BCAS3: variants seen among roughly 807,000 people sequenced by gnomAD.
The protein encoded by BCAS3 is BCAS3 microtubule associated cell migration factor.
Under a neutral mutation model 116.1 loss-of-function variants are expected in BCAS3, and 53 were observed. The ratio of observed to expected loss-of-function variants is 0.46; its 90% CI spans 0.37 to 0.57. BCAS3 has a LOEUF of 0.57. Ranked by LOEUF, BCAS3 falls within the 20% of genes least tolerant of loss-of-function variation. BCAS3 has a pLI of 0.00. For synonymous variants in BCAS3, 391 were observed against 408.2 expected (o/e 0.96, Z 0.51); for missense variants, 917 against 1,165.4 (o/e 0.79, Z 3.10).
intron 22 of BCAS3, among the ~76,000 whole-genome samples, chr17:61,153,070 G>A (rs551130272): frequency 6.6e-6 from 1 of 152,196 alleles, no homozygotes; most frequent in Non-Finnish European, 1.5e-5. Flanking sequence ...GTCAGTAGAA[G>A]CTGGAACTCC....
intron 22 of BCAS3, among the ~76,000 whole-genome samples, chr17:61,297,460 C>T (rs1049159043): frequency 1.3e-5 from 2 of 152,104 alleles, no homozygotes; most frequent in African/African-American, 4.8e-5. Flanking sequence ...CAGAGATGGG[C>T]ACGTGAAAAC....
intron 7 of BCAS3, among the ~76,000 whole-genome samples, chr17:60,831,778 A>G (rs1203784223): frequency 6.6e-6 from 1 of 151,586 alleles, no homozygotes; most frequent in Non-Finnish European, 1.5e-5. Flanking sequence ...AATATGTGGT[A>G]TGTTTAAGTC....
chr17:60,863,664 G>T (rs1172160099), intron 7 of BCAS3, among the ~76,000 whole-genome samples: 2 of 152,022 alleles, frequency 1.3e-5, no homozygotes, highest in Non-Finnish European at 2.9e-5. Context: ...TGTGACTAGA[G>T]GATTGCTTGA....
At position 61,224,662 on chromosome 17, in the gene BCAS3, G is replaced by A. The variant is rs563784330; in HGVS notation, c.2425+140098G>A. On this transcript the variant is annotated intron_variant, in intron 22 of 23. Coordinates refer to ENST00000407086, the MANE Select transcript of BCAS3 (RefSeq NM_017679.5). The surrounding 1 kb of genome is among the most constrained non-coding windows in gnomAD (Gnocchi z 5.7). ...CACCACTTCTTACTTCTGCAACCTCGGGCACATTCCTCATCATCTCTCTAC... is the reference window on the plus strand; with the variant it reads ...CACCACTTCTTACTTCTGCAACCTCAGGCACATTCCTCATCATCTCTCTAC... Among the ~76,000 whole-genome samples, 3 of 152,276 alleles carry A rather than the reference G, an allele frequency of 2.0e-5. No homozygotes were observed. The highest frequency in any genetic ancestry group is 1.9e-4 in the East Asian group (1 of 5,186).
chr17:61,182,396 AAAAAACC>A (rs1409647212), intron 22 of BCAS3, among the ~76,000 whole-genome samples: 3 of 152,128 alleles, frequency 2.0e-5, no homozygotes, highest in Admixed American at 2.0e-4. Flanking sequence ...GAATAGCTTA[AAAAAACC>A]CCACTAGCCA....
At position 60,960,151 on chromosome 17, in the gene BCAS3, C is replaced by T. The variant is rs540843464; in HGVS notation, c.1221+12799C>T. On this transcript the variant is annotated intron_variant, in intron 14 of 23. Transcript: ENST00000407086. This position sits in a 1 kb window ranked among gnomAD's most constrained non-coding sequence, Gnocchi z 4.1. ...AATTCACTTCTCTGTATTCTATCCT[C>T]TGCCTCCCAGAATTCATGTTCATGC... 1.3e-5 allele frequency among the ~76,000 whole-genome samples: 2 copies of T among 152,204 alleles called. No homozygotes were observed. Among genetic ancestry groups the T allele is most frequent in the South Asian group, 4.1e-4 (2 of 4,830 alleles).
At chr17:61,066,581 A>G (rs2070644153) in intron 19 of BCAS3, among the ~76,000 whole-genome samples, 1 of 152,154 alleles carries the variant, frequency 6.6e-6, no homozygotes, top group African/African-American at 2.4e-5. Flanking sequence ...CAATATAATG[A>G]GAGTAATTAA....
chr17:60,793,123 A>G (rs1369028852), intron 6 of BCAS3, among the ~76,000 whole-genome samples: 1 of 151,720 alleles, frequency 6.6e-6, no homozygotes, highest in Non-Finnish European at 1.5e-5. Context: ...TTTTAGATGG[A>G]GTCTCACTCT....
rs374976012 is a variant in BCAS3, at chr17:61,310,553, C to CA, written c.2426-57758dup. ...TGGGCGACAGAGTGAGACTCTGTCT[C>CA]AAAAAAAAAAAAAAAAGAAAGAAAG... is the stretch of plus-strand genomic sequence containing the variant. On this transcript the variant is annotated intron_variant, in intron 22 of 23. Transcript: ENST00000407086. Among the ~76,000 whole-genome samples the CA allele has an allele frequency of 3.5e-3, 335 of 96,968 alleles. 1 individual carries two copies. The highest frequency in any genetic ancestry group is 8.0e-3 in the Admixed American group (73 of 9,080). The allele number at this position is 96,968 out of a possible 152,430, so 63.6% of individuals were successfully genotyped here. A position where few individuals can be genotyped will look rare whatever the true frequency, so the allele number is the denominator to read the frequency against.
chr17:61,362,567 A>T lies in BCAS3; in HGVS notation c.2426-5760A>T, dbSNP rs1286108990. Among the ~76,000 whole-genome samples, 3 of 152,178 alleles carry T rather than the reference A, an allele frequency of 2.0e-5. No individual in the cohort carries two copies. The highest frequency in any genetic ancestry group is 7.2e-5 in the African/African-American group (3 of 41,430). On this transcript the variant is annotated intron_variant, in intron 22 of 23. Coordinates refer to ENST00000407086, the MANE Select transcript of BCAS3 (RefSeq NM_017679.5). The surrounding 1 kb of genome is among the most constrained non-coding windows in gnomAD (Gnocchi z 4.4). ...TTGCCTCTTTAACAATGGTGTACAA[A>T]GGCAAAGCACGTGTTCCCCCAGCCT...
intron 3 of BCAS3, among the ~76,000 whole-genome samples, chr17:60,687,516 A>G (rs2034233210): frequency 6.6e-6 from 1 of 152,176 alleles, no homozygotes; most frequent in African/African-American, 2.4e-5. Context: ...ACATGGGTGG[A>G]CCGTTTGAGC....
intron 6 of BCAS3, among the ~76,000 whole-genome samples, chr17:60,767,671 G>A (rs538112105): frequency 2.4e-4 from 36 of 152,162 alleles, no homozygotes; most frequent in African/African-American, 7.7e-4. Context: ...ATTGGACTCT[G>A]TTGCTGGAAA....
chr17:61,114,517 G>A (rs2075299785), intron 22 of BCAS3, among the ~76,000 whole-genome samples: 1 of 150,920 alleles, frequency 6.6e-6, no homozygotes, highest in African/African-American at 2.4e-5. Context: ...AAATACCTAG[G>A]AATACAACTT....
intron 14 of BCAS3, among the ~76,000 whole-genome samples, chr17:60,981,267 T>C (rs1228568829): frequency 6.6e-6 from 1 of 151,942 alleles, no homozygotes; most frequent in African/African-American, 2.4e-5. Context: ...TTGTAGATGA[T>C]AGTGTTTTAA....
chr17:60,724,255 G>A (rs1021049019), intron 5 of BCAS3, among the ~76,000 whole-genome samples: 8 of 150,096 alleles, frequency 5.3e-5, no homozygotes, highest in South Asian at 2.1e-4. Flanking sequence ...GAAACAGTTC[G>A]CTACTGAAAA....
rs1432303983 is a variant in BCAS3, at chr17:61,347,876, G to T, written c.2426-20451G>T. Among the ~76,000 whole-genome samples the T allele has an allele frequency of 6.6e-6, 1 of 152,180 alleles. No individual in the cohort carries two copies. Among genetic ancestry groups the T allele is most frequent in the Admixed American group, 6.5e-5 (1 of 15,282 alleles). On this transcript the variant is annotated intron_variant, in intron 22 of 23. Coordinates refer to ENST00000407086, the MANE Select transcript of BCAS3 (RefSeq NM_017679.5). The surrounding 1 kb of genome is among the most constrained non-coding windows in gnomAD (Gnocchi z 4.3). ...GAGCAGCAGATGCACAGACACAGGGGCAAGGCGCAAGGTGGGGTGTAGCGT... is the reference window on the plus strand; with the variant it reads ...GAGCAGCAGATGCACAGACACAGGGTCAAGGCGCAAGGTGGGGTGTAGCGT...
At chr17:61,194,140 CAGGGAGGGGA>C (rs1396442846) in intron 22 of BCAS3, among the ~76,000 whole-genome samples, 3 of 151,894 alleles carry the variant, frequency 2.0e-5, no homozygotes, top group Non-Finnish European at 4.4e-5. Context: ...AAAGGAAAGG[CAGGGAGGGGA>C]GGGGAGAGGA....
chr17:61,263,131 C>A (rs980546753), intron 22 of BCAS3, among the ~76,000 whole-genome samples: 1 of 152,172 alleles, frequency 6.6e-6, no homozygotes, highest in Admixed American at 6.5e-5. Context: ...GAAGTGTTCA[C>A]CGAGGGGAGT....
rs34671111 is a variant in BCAS3 at position 60,973,586 on chromosome 17, A to AATATAT, written c.1222-16368_1222-16363dup. On this transcript the variant is annotated intron_variant, in intron 14 of 23. Coordinates refer to ENST00000407086, the MANE Select transcript of BCAS3 (RefSeq NM_017679.5). ...TAGACATTGCTATTACCTTATTATT[A>AATATAT]ATATATATATATATATATATATGTA... is the stretch of plus-strand genomic sequence containing the variant. Among the ~76,000 whole-genome samples the AATATAT allele has an allele frequency of 7.3e-4, 101 of 137,964 alleles. 1 individual carries two copies. Among genetic ancestry groups the AATATAT allele is most frequent in the African/African-American group, 2.1e-3 (72 of 34,946 alleles). 90.5% of individuals were successfully genotyped at this position (137,964 alleles called of 152,430 possible). A position where few individuals can be genotyped will look rare whatever the true frequency, so the allele number is the denominator to read the frequency against.
Sources: allele counts gnomAD v4.1 joint callset (sites outside exome capture counted in the v4.1 genomes callset), GRCh38; gene constraint gnomAD v4.1.1; non-coding constraint Gnocchi (gnomAD v3.1); transcripts MANE v1.5; gene names NCBI Gene and HGNC (gene_info 2026-07-23, HGNC 2026-07-21).